The following KCNQ1 variants were observed in gnomAD, a reference collection of about 807,000 sequenced individuals.
The protein encoded by KCNQ1 is potassium voltage-gated channel subfamily KQT member 1.
In KCNQ1, 49 loss-of-function variants were observed where a neutral mutation model predicts 72.4. The ratio of observed to expected loss-of-function variants is 0.68; its 90% CI spans 0.54 to 0.86. The LOEUF (loss-of-function observed/expected upper bound fraction) is 0.86, where lower values mean the gene tolerates loss of function less well. Among genes scored for constraint, KCNQ1 ranks in the 40% least tolerant of loss-of-function variants. KCNQ1 has a pLI of 0.00. For missense variants in KCNQ1, 790 were observed against 945.1 expected, an observed-to-expected ratio of 0.84 and a Z score of 2.15; for synonymous variants, 450 against 412.6, an observed-to-expected ratio of 1.09 and a Z score of -1.10.
At position 2,549,830 on chromosome 11, in the gene KCNQ1, G is replaced by A. The variant is rs1199161849; in HGVS notation, c.478-20798G>A. ...TCCTTCCCCATGACTGGCCCTGGGTGGCGGAGAGACCCCTGGGCAGGACAC... is the reference window on the plus strand; with the variant it reads ...TCCTTCCCCATGACTGGCCCTGGGTAGCGGAGAGACCCCTGGGCAGGACAC... On this transcript the variant is annotated intron_variant, in intron 2 of 15. Transcript: ENST00000155840. This position sits in a 1 kb window ranked among gnomAD's most constrained non-coding sequence, Gnocchi z 6.2. 1.3e-5 allele frequency among the ~76,000 whole-genome samples: 2 copies of A among 152,126 alleles called. No homozygotes were observed. Among genetic ancestry groups the A allele is most frequent in the Non-Finnish European group, 2.9e-5 (2 of 68,002 alleles).
intron 15 of KCNQ1, among the ~76,000 whole-genome samples, chr11:2,788,069 T>C: frequency 6.6e-6 from 1 of 152,190 alleles, no homozygotes; most frequent in East Asian, 1.9e-4. Flanking sequence ...TGAGTGCCCA[T>C]AGAATGTGGT....
At chr11:2,580,828 C>T (rs1186487706) in intron 6 of KCNQ1, among the ~76,000 whole-genome samples, 1 of 152,236 alleles carries the variant, frequency 6.6e-6, no homozygotes, top group Non-Finnish European at 1.5e-5. Context: ...GGAGGATGTC[C>T]AGGCGGGGTG....
chr11:2,586,294 GC>G (rs1307672875), intron 8 of KCNQ1, among the ~76,000 whole-genome samples: 2 of 152,238 alleles, frequency 1.3e-5, no homozygotes, highest in Non-Finnish European at 2.9e-5. Context: ...GCTGTCAGGG[GC>G]CAGTCGCAGT....
rs4350348 is a variant in KCNQ1, at chr11:2,470,713, G to C, written c.386+25229G>C. Among the ~76,000 whole-genome samples the C allele has an allele frequency of 3.8e-3, 570 of 151,374 alleles. 3 individuals carry two copies. Among genetic ancestry groups the C allele is most frequent in the Non-Finnish European group, 6.0e-3 (409 of 67,822 alleles). On this transcript the variant is annotated intron_variant, in intron 1 of 15. Coordinates refer to ENST00000155840, the MANE Select transcript of KCNQ1 (RefSeq NM_000218.3). The stretch of plus-strand genomic sequence containing the variant: ...GATCCACTCAGTTAGGTGGGGGGGG[G>C]GGTGCTTAGAATTTTATTTTTATTT...
rs1849168844 is a variant in KCNQ1, at chr11:2,621,333, A to T, written c.1393+32479A>T. The T allele has an allele frequency of 2.5e-6, 1 of 398,432 alleles. No individual in the cohort carries two copies. Among genetic ancestry groups the T allele is most frequent in the African/African-American group, 2.1e-5 (1 of 48,690 alleles). The allele number at this position is 398,432 out of a possible 1,614,324, so 24.7% of individuals were successfully genotyped here. On this transcript the variant is annotated intron_variant, in intron 10 of 15. Coordinates refer to ENST00000155840, the MANE Select transcript of KCNQ1 (RefSeq NM_000218.3). The surrounding 1 kb of genome is among the most constrained non-coding windows in gnomAD (Gnocchi z 5.7). ...CATGAGAATGTTTTTTTGTTTGGCT[A>T]CTTCTGTATTTTCTTTTAAGAAATG...
chr11:2,714,084 G>C (rs958992526), intron 11 of KCNQ1, among the ~76,000 whole-genome samples: 2 of 152,194 alleles, frequency 1.3e-5, no homozygotes, highest in Non-Finnish European at 2.9e-5. Context: ...ATGCGGGCCA[G>C]GACTCTTTCC....
rs1377064703 is a variant in KCNQ1 at position 2,579,320 on chromosome 11, C to A, written c.922-4115C>A. ...ACATGGGAGTGAAGGCACAGGCCAG[C>A]AGGAGGGCGGGGGAAACACACTGAC... On this transcript the variant is annotated intron_variant, in intron 6 of 15. Coordinates refer to ENST00000155840, the MANE Select transcript of KCNQ1 (RefSeq NM_000218.3). This position sits in a 1 kb window ranked among gnomAD's most constrained non-coding sequence, Gnocchi z 6.0. 6.6e-6 allele frequency among the ~76,000 whole-genome samples: 1 copy of A among 152,210 alleles called. No individual in the cohort carries two copies. Among genetic ancestry groups the A allele is most frequent in the African/African-American group, 2.4e-5 (1 of 41,460 alleles).
intron 1 of KCNQ1, among the ~76,000 whole-genome samples, chr11:2,454,039 A>C (rs1243703598): frequency 6.6e-6 from 1 of 152,136 alleles, no homozygotes; most frequent in African/African-American, 2.4e-5. Context: ...CAAAGTGCTT[A>C]GATTACAGGT....
Position 2,728,766 on chromosome 11 carries a change from C to T in KCNQ1, c.1515-40078C>T, listed in dbSNP as rs186124622. Among the ~76,000 whole-genome samples the T allele has an allele frequency of 1.8e-4, 28 of 152,292 alleles. No homozygotes were observed. In the East Asian group the frequency reaches 4.8e-3, roughly 26 times the overall value. ...GGAGCATCTCAGGAGGAGCTGAGGC[C>T]GGAGCAGAGCGTCCTCCTGGTCCTG... On this transcript the variant is annotated intron_variant, in intron 11 of 15. Coordinates refer to ENST00000155840, the MANE Select transcript of KCNQ1 (RefSeq NM_000218.3).
At chr11:2,448,820 G>A (rs1206316753) in intron 1 of KCNQ1, among the ~76,000 whole-genome samples, 11 of 152,214 alleles carry the variant, frequency 7.2e-5, no homozygotes, top group East Asian at 3.9e-4. Flanking sequence ...CACCTACATC[G>A]CAGACCCGGC....
At chr11:2,578,734 A>G (rs1023469803) in intron 6 of KCNQ1, among the ~76,000 whole-genome samples, 1 of 152,208 alleles carries the variant, frequency 6.6e-6, no homozygotes, top group Non-Finnish European at 1.5e-5. Flanking sequence ...TCCTGACTCC[A>G]TCCTTAGGTG....
At position 2,735,432 on chromosome 11, in the gene KCNQ1, C is replaced by G. The variant is rs956927578; in HGVS notation, c.1515-33412C>G. Among the ~76,000 whole-genome samples, 1 of 152,038 alleles carries G rather than the reference C, an allele frequency of 6.6e-6. No homozygotes were observed. Among genetic ancestry groups the G allele is most frequent in the African/African-American group, 2.4e-5 (1 of 41,376 alleles). Reference sequence around the variant, plus strand: ...GAGCCCAACCACTGCTTGCTCCTTCCCACCCCTCCTAGGCCAGGGATGCCT... The same window carrying G: ...GAGCCCAACCACTGCTTGCTCCTTCGCACCCCTCCTAGGCCAGGGATGCCT... On this transcript the variant is annotated intron_variant, in intron 11 of 15. Transcript: ENST00000155840. The surrounding 1 kb of genome is among the most constrained non-coding windows in gnomAD (Gnocchi z 7.7).
intron 1 of KCNQ1, among the ~76,000 whole-genome samples, chr11:2,517,295 G>A (rs1048034218): frequency 4.6e-5 from 7 of 152,204 alleles, no homozygotes; most frequent in African/African-American, 9.6e-5. Context: ...GGTTCCTGGC[G>A]ATGGGGATGG....
chr11:2,465,981 G>A (rs765850491), intron 1 of KCNQ1, among the ~76,000 whole-genome samples: 7 of 152,218 alleles, frequency 4.6e-5, no homozygotes, highest in East Asian at 1.9e-4. Flanking sequence ...GCTTGGTGAC[G>A]GCTCAGGTCG....
chr11:2,694,235 G>A, intron 11 of KCNQ1: 1 of 398,692 alleles, frequency 2.5e-6, no homozygotes, highest in Non-Finnish European at 4.4e-6. Context: ...GATGTGGCAG[G>A]ATGCAAGCCA....
In KCNQ1 at chr11:2,782,684, T is replaced by G. The variant is rs1283240919; in HGVS notation, c.1794+4647T>G. On this transcript the variant is annotated intron_variant, in intron 15 of 15. Transcript: ENST00000155840. The surrounding 1 kb of genome is among the most constrained non-coding windows in gnomAD (Gnocchi z 6.1). The stretch of plus-strand genomic sequence containing the variant: ...TGTATCAGTTTTGATAAGTTATATA[T>G]TCTAGGAATTTATACATTTCATTTT... 6.6e-6 allele frequency among the ~76,000 whole-genome samples: 1 copy of G among 152,238 alleles called. No individual in the cohort carries two copies. Among genetic ancestry groups the G allele is most frequent in the Non-Finnish European group, 1.5e-5 (1 of 68,040 alleles).
rs759137365 is a variant in KCNQ1 at position 2,815,729 on chromosome 11, G to C, written c.1795-32038G>C. ...GAGGCTGGAGACTATTCAGGAGAGG[G>C]TGGGAGCAGACACGGGAGTAGGATG... On this transcript the variant is annotated intron_variant, in intron 15 of 15. Transcript: ENST00000155840. The surrounding 1 kb of genome is among the most constrained non-coding windows in gnomAD (Gnocchi z 5.4). 6.6e-6 allele frequency among the ~76,000 whole-genome samples: 1 copy of C among 152,130 alleles called. No individual in the cohort carries two copies. Among genetic ancestry groups the C allele is most frequent in the Non-Finnish European group, 1.5e-5 (1 of 68,002 alleles).
At chr11:2,583,101 A>G (rs982677872) in intron 6 of KCNQ1, among the ~76,000 whole-genome samples, 1 of 152,112 alleles carries the variant, frequency 6.6e-6, no homozygotes, top group Non-Finnish European at 1.5e-5. Context: ...CCAGGGGCCC[A>G]GCCTCCTGGG....
intron 10 of KCNQ1, chr11:2,650,678 C>A (rs1849743184): frequency 7.5e-6 from 3 of 398,512 alleles, no homozygotes; most frequent in South Asian, 2.5e-4. Flanking sequence ...TAAGCCTCTT[C>A]TCTGATTCTG....
Sources: allele counts gnomAD v4.1 joint callset (sites outside exome capture counted in the v4.1 genomes callset), GRCh38; gene constraint gnomAD v4.1.1; non-coding constraint Gnocchi (gnomAD v3.1); transcripts MANE v1.5; gene names NCBI Gene and HGNC (gene_info 2026-07-23, HGNC 2026-07-21).